The following IQSEC1 variants were observed in gnomAD, a reference collection of about 807,000 sequenced individuals.
IQSEC1 encodes IQ motif and SEC7 domain-containing protein 1.
In IQSEC1, 31 loss-of-function variants were observed where a neutral mutation model predicts 91.0. That is an observed-to-expected ratio of 0.34 (90% CI 0.26 to 0.46). The LOEUF is 0.46. Ranked by LOEUF, IQSEC1 falls within the 20% of genes least tolerant of loss-of-function variation. The pLI, the probability that IQSEC1 is intolerant of heterozygous loss-of-function variation, is 1.00. For missense variants in IQSEC1, 1,388 were observed against 1,575.6 expected (o/e 0.88, Z 2.02); for synonymous variants, 699 against 662.6 (o/e 1.05, Z -0.84).
In IQSEC1 at chr3:12,899,624, A is replaced by G. The variant is rs1694019381; in HGVS notation, c.*1359T>C. 1 of 985,432 alleles carries G rather than the reference A, an allele frequency of 1.0e-6. No homozygotes were observed. Among genetic ancestry groups the G allele is most frequent in the South Asian group, 4.7e-5 (1 of 21,288 alleles). 61.0% of individuals were successfully genotyped at this position (985,432 alleles called of 1,614,324 possible). ...CGCCGGGCACTCGTCGGCTGGGGTC[A>G]CACGGGCCACGGTGAGGACACAGGG... On this transcript the variant is annotated 3_prime_UTR_variant, in exon 14 of 14. Coordinates refer to ENST00000613206, the MANE Select transcript of IQSEC1 (RefSeq NM_001134382.3).
At chr3:13,205,027 A>G (rs1694318393) in intron 1 of IQSEC1, among the ~76,000 whole-genome samples, 1 of 151,314 alleles carries the variant, frequency 6.6e-6, no homozygotes, top group Non-Finnish European at 1.5e-5. Context: ...CGAACTCCCG[A>G]CCTCAGGTGA....
chr3:12,935,575 G>A lies in IQSEC1; in HGVS notation c.1441C>T (p.Leu481=), dbSNP rs1385948436. The A allele has an allele frequency of 4.3e-6, 7 of 1,614,002 alleles. No homozygotes were observed. Among genetic ancestry groups the A allele is most frequent in the Non-Finnish European group, 5.1e-6 (6 of 1,180,030 alleles). ...CSSESSSRDS[L]REQTLSKQTY... is the part of the protein sequence containing the mutation. ...TGCTTGCTGAGCGTCTGCTCCCGCA[G>A]GCTGTCACGGGACGATGACTCGGAG... The change falls in exon 3 of 14, where the codon CTG becomes TTG. Residue 481 remains leucine, a synonymous_variant. Transcript: ENST00000613206. This position sits in a 1 kb window ranked among gnomAD's most constrained non-coding sequence, Gnocchi z 8.0.
intron 1 of IQSEC1, among the ~76,000 whole-genome samples, chr3:13,186,013 C>T (rs1693925016): frequency 6.6e-6 from 1 of 152,252 alleles, no homozygotes; most frequent in African/African-American, 2.4e-5. Context: ...GGCTTGTAAC[C>T]ATCCTTAGCT....
In IQSEC1 at chr3:13,073,184, GAGC is replaced by G; in HGVS notation, c.-173_-171del. The G allele has an allele frequency of 1.5e-6, 1 of 663,422 alleles. No homozygotes were observed. The highest frequency in any genetic ancestry group is 2.6e-6 in the Non-Finnish European group (1 of 387,972). The allele number at this position is 663,422 out of a possible 1,614,324, so 41.1% of individuals were successfully genotyped here. On this transcript the variant is annotated 5_prime_UTR_variant, in exon 1 of 14. Transcript: ENST00000613206. ...GGCTCCTCCAGGGAGGCTGGGGCGGGAGCGGGGGGCGGCGCCAGCAGCGGGCTG... is the reference window on the plus strand; with the variant it reads ...GGCTCCTCCAGGGAGGCTGGGGCGGGGGGGGGCGGCGCCAGCAGCGGGCTG...
At chr3:13,067,894 T>C (rs533541853) in intron 1 of IQSEC1, among the ~76,000 whole-genome samples, 2 of 152,334 alleles carry the variant, frequency 1.3e-5, no homozygotes, top group African/African-American at 4.8e-5. Context: ...CCTGAGGAGA[T>C]GGTGCCAGGT....
At chr3:13,090,074 G>C in intron 2 of IQSEC1, among the ~76,000 whole-genome samples, 1 of 151,986 alleles carries the variant, frequency 6.6e-6, no homozygotes, top group Non-Finnish European at 1.5e-5. Context: ...AAATATTAGC[G>C]GGGTGTGGTG....
intron 2 of IQSEC1, among the ~76,000 whole-genome samples, chr3:13,100,121 C>A (rs1444722418): frequency 1.4e-5 from 2 of 147,930 alleles, no homozygotes; most frequent in African/African-American, 5.1e-5. Flanking sequence ...GCTGCGGGAG[C>A]CATGAGAGCA....
chr3:13,123,213 A>C (rs1706452638), intron 2 of IQSEC1, among the ~76,000 whole-genome samples: 1 of 152,248 alleles, frequency 6.6e-6, no homozygotes, highest in African/African-American at 2.4e-5. Context: ...GAAGGTTATT[A>C]CCAGGCAGTA....
At position 12,901,530 on chromosome 3, in the gene IQSEC1, G is replaced by A; in HGVS notation, c.2806-8C>T. The A allele has an allele frequency of 6.5e-7, 1 of 1,542,774 alleles. No homozygotes were observed. Among genetic ancestry groups the A allele is most frequent in the South Asian group, 1.2e-5 (1 of 82,660 alleles). ...ACTGCTAATGATGGACCCCTAAAAA[G>A]GAAATTCATAGAAATCAAAATTAAA... On this transcript the variant is annotated splice_region_variant and splice_polypyrimidine_tract_variant and intron_variant, in intron 13 of 13. Transcript: ENST00000613206.
Position 12,977,647 on chromosome 3 carries a change from A to G in IQSEC1, c.24-35782T>C, listed in dbSNP as rs372431312. On this transcript the variant is annotated intron_variant, in intron 1 of 13. Transcript: ENST00000613206. ...TTATGTAGTGAGTTCACACCAAAGA[A>G]CAGCTACCAAGGGAATGCAGGGCCT... Among the ~76,000 whole-genome samples, 12 of 152,302 alleles carry G rather than the reference A, an allele frequency of 7.9e-5. 1 individual carries two copies. The highest frequency in any genetic ancestry group is 5.2e-4 in the Admixed American group (8 of 15,294).
chr3:12,932,913 G>A (rs967935239), intron 3 of IQSEC1, among the ~76,000 whole-genome samples: 3 of 152,132 alleles, frequency 2.0e-5, no homozygotes, highest in Non-Finnish European at 4.4e-5. Flanking sequence ...CAGCCCCCGG[G>A]ATGCCCTCCC....
chr3:12,972,206 G>A (rs917193802), intron 1 of IQSEC1, among the ~76,000 whole-genome samples: 1 of 151,962 alleles, frequency 6.6e-6, no homozygotes, highest in Admixed American at 6.5e-5. Context: ...AGCTACTCAG[G>A]AGGCTGAGGT....
At chr3:13,191,095 G>A (rs1156359638) in intron 1 of IQSEC1, among the ~76,000 whole-genome samples, 1 of 152,212 alleles carries the variant, frequency 6.6e-6, no homozygotes, top group Non-Finnish European at 1.5e-5. Flanking sequence ...GGCCACAGAA[G>A]AATGCCTGTC....
chr3:13,107,947 C>A (rs2124851846), intron 2 of IQSEC1, among the ~76,000 whole-genome samples: 1 of 152,372 alleles, frequency 6.6e-6, no homozygotes, highest in East Asian at 1.9e-4. Context: ...GGACTCCAGC[C>A]CAGAGGGCGC....
intron 1 of IQSEC1, among the ~76,000 whole-genome samples, chr3:13,018,052 G>A (rs1008195520): frequency 2.6e-5 from 4 of 152,210 alleles, no homozygotes; most frequent in African/African-American, 4.8e-5. Flanking sequence ...TGGGTTGTGA[G>A]GCTCAGAGGA....
In IQSEC1 at chr3:12,967,792, TGGGGGCGGGGCTGCGCGC is replaced by T; in HGVS notation, c.24-25945_24-25928del. 1.6e-6 allele frequency: 1 copy of T among 618,590 alleles called. No individual in the cohort carries two copies. The highest frequency in any genetic ancestry group is 2.0e-6 in the Non-Finnish European group (1 of 500,202). 38.3% of individuals were successfully genotyped at this position (618,590 alleles called of 1,614,324 possible). On this transcript the variant is annotated intron_variant, in intron 1 of 13. Transcript: ENST00000613206. This position sits in a 1 kb window ranked among gnomAD's most constrained non-coding sequence, Gnocchi z 5.9. ...CTGGGGGCGGGGCCGGAGGGCGAGC[TGGGGGCGGGGCTGCGCGC>T]GGGGGCGAGACTGCACGGAGCGTGT...
At position 13,198,084 on chromosome 3, in the gene IQSEC1, TGGA is replaced by T. The variant is rs1254282546; in HGVS notation, c.273-33954_273-33952del. ...AAGGACAGAGATGATGACCCTTGCC[TGGA>T]GGAGAATTGTGTGAAGAGGTGCTGA... On this transcript the variant is annotated intron_variant, in intron 1 of 15. Coordinates refer to the IQSEC1 transcript ENST00000648114. Among the ~76,000 whole-genome samples the T allele has an allele frequency of 2.0e-5, 3 of 152,288 alleles. No homozygotes were observed. In the East Asian group the frequency reaches 5.8e-4, roughly 30 times the overall value.
intron 1 of IQSEC1, among the ~76,000 whole-genome samples, chr3:12,963,374 C>A (rs139544897): frequency 6.6e-6 from 1 of 152,280 alleles, no homozygotes; most frequent in African/African-American, 2.4e-5. Context: ...AGCTGGGACC[C>A]CAAGAAGGAA....
intron 12 of IQSEC1, among the ~76,000 whole-genome samples, chr3:12,905,749 G>A (rs537079012): frequency 3.3e-5 from 5 of 152,364 alleles, no homozygotes; most frequent in Admixed American, 1.3e-4. Context: ...CCCCTGTAAC[G>A]GGACATGGAG....
Sources: gnomAD v4.1 joint callset for allele counts (sites outside exome capture counted in the v4.1 genomes callset) on GRCh38, gnomAD v4.1.1 for gene constraint, Gnocchi (gnomAD v3.1) non-coding constraint, MANE v1.5 for transcripts, NCBI Gene and HGNC (gene_info 2026-07-23, HGNC 2026-07-21) for gene names.